Variants in CLCN4 observed in about 807,000 individuals in gnomAD.
The protein encoded by CLCN4 is Cl-/H+ antiporter 4, also known as H(+)/Cl(-) exchange transporter 4.
A neutral mutation model predicts 41.7 loss-of-function variants in CLCN4; 1 was observed. The observed-to-expected ratio is 0.02, with a 90% CI of 0.01 to 0.11. The LOEUF (loss-of-function observed/expected upper bound fraction) is 0.11. CLCN4 is among the 10% of genes least tolerant of loss of function. The pLI is 1.00. For synonymous variants in CLCN4, 277 were observed against 285.8 expected, an observed-to-expected ratio of 0.97 and a Z score of 0.31; for missense variants, 287 against 661.0, an observed-to-expected ratio of 0.43 and a Z score of 6.20.
intron 12 of CLCN4, among the ~76,000 whole-genome samples, chrX:10,222,352 T>C (rs1426667600): frequency 9.0e-6 from 1 of 111,601 alleles, no homozygotes; most frequent in Non-Finnish European, 1.9e-5. Context: ...TTTTATTCCT[T>C]TATGGGCTGG....
chrX:10,167,403 G>A (rs1923279114), intron 2 of CLCN4, among the ~76,000 whole-genome samples: 1 of 112,281 alleles, frequency 8.9e-6, no homozygotes, highest in Non-Finnish European at 1.9e-5. Flanking sequence ...GTGGAATAAG[G>A]CAGTGAAAAG....
chrX:10,207,018 G>T (rs1024336868), intron 8 of CLCN4, among the ~76,000 whole-genome samples: 34 of 110,518 alleles, frequency 3.1e-4, no homozygotes, highest in African/African-American at 1.1e-3. Flanking sequence ...TTCCCGGGTT[G>T]AAGCAATTCT....
intron 10 of CLCN4, among the ~76,000 whole-genome samples, chrX:10,213,425 A>G (rs1354859734): frequency 8.9e-6 from 1 of 111,925 alleles, no homozygotes; most frequent in Non-Finnish European, 1.9e-5. Flanking sequence ...TGTGTGGGCC[A>G]CGGTGAATAG....
intron 11 of CLCN4, among the ~76,000 whole-genome samples, chrX:10,214,913 T>A (rs1376106575): frequency 1.8e-5 from 2 of 111,366 alleles, no homozygotes. Context: ...AGAGGTCTGG[T>A]TGTGAGTTGC....
In CLCN4 at chrX:10,198,076, A is replaced by G; in HGVS notation, c.555+15A>G. The G allele has an allele frequency of 8.3e-7, 1 of 1,204,673 alleles. No homozygotes were observed. The highest frequency in any genetic ancestry group is 1.8e-5 in the South Asian group (1 of 56,258). On this transcript the variant is annotated intron_variant, in intron 6 of 12. Coordinates refer to ENST00000380833, the MANE Select transcript of CLCN4 (RefSeq NM_001830.4). Reference sequence around the variant, plus strand: ...GCATACCAGAGGTGAGTTCTGGCTGATTTTTTTGGTACCAATAATAAGAAT... The same window carrying G: ...GCATACCAGAGGTGAGTTCTGGCTGGTTTTTTTGGTACCAATAATAAGAAT...
At chrX:10,221,693 G>A (rs1205237506) in intron 12 of CLCN4, among the ~76,000 whole-genome samples, 1 of 112,212 alleles carries the variant, frequency 8.9e-6, no homozygotes, top group Non-Finnish European at 1.9e-5. Context: ...TTAGTTAAAT[G>A]GTTAAGAAAT....
Position 10,157,061 on chromosome X carries a change from G to A in CLCN4, c.-314G>A. 3.4e-6 allele frequency: 1 copy of A among 297,970 alleles called. No homozygotes were observed. Among genetic ancestry groups the A allele is most frequent in the Non-Finnish European group, 5.9e-6 (1 of 170,375 alleles). The allele number at this position is 297,970 out of a possible 1,213,427, so 24.6% of individuals were successfully genotyped here. On this transcript the variant is annotated 5_prime_UTR_variant, in exon 1 of 13. Coordinates refer to ENST00000380833, the MANE Select transcript of CLCN4 (RefSeq NM_001830.4). ...TCAACCCAAAGGAGCAGGAGATTTC[G>A]GTAGCGTTTTAACTTTATCTCAGAA...
In CLCN4 at chrX:10,237,210, C is replaced by T. The variant is rs978879275; in HGVS notation, c.*3626C>T. The T allele has an allele frequency of 5.4e-5, 6 of 112,032 alleles. No individual in the cohort carries two copies. The highest frequency in any genetic ancestry group is 1.6e-4 in the African/African-American group (5 of 30,803). 9.2% of individuals were successfully genotyped at this position (112,032 alleles called of 1,213,427 possible). On this transcript the variant is annotated 3_prime_UTR_variant, in exon 13 of 13. Transcript: ENST00000380833. ...GTGAGAACTGATTACTTTAAATTAC[C>T]AACATGTGCAAATTCTACTTAGTAT...
intron 12 of CLCN4, among the ~76,000 whole-genome samples, chrX:10,231,524 A>G (rs1925126311): frequency 9.0e-6 from 1 of 111,353 alleles, no homozygotes; most frequent in Non-Finnish European, 1.9e-5. Flanking sequence ...AGATTTTTAA[A>G]CATAATTCCA....
chrX:10,200,838 A>C (rs768752474), intron 6 of CLCN4, among the ~76,000 whole-genome samples: 15 of 111,569 alleles, frequency 1.3e-4, no homozygotes, highest in Non-Finnish European at 2.4e-4. Flanking sequence ...ATAGGTGTGC[A>C]TCATCATACC....
rs1300937734 is a variant in CLCN4, at chrX:10,212,383, C to T, written c.1390-84C>T. 1.6e-5 allele frequency: 15 copies of T among 958,243 alleles called. No homozygotes were observed. In the East Asian group the frequency reaches 3.4e-4, roughly 22 times the overall value. The allele number at this position is 958,243 out of a possible 1,213,427, so 79.0% of individuals were successfully genotyped here. On this transcript the variant is annotated intron_variant, in intron 9 of 12. Transcript: ENST00000380833. ...AGACTGAAGCTAAATGCAAGCCCGT[C>T]GAGGGGGAATGTGTTTCTTGGGGGT...
chrX:10,219,969 C>T (rs1470616568), intron 11 of CLCN4, among the ~76,000 whole-genome samples: 1 of 112,144 alleles, frequency 8.9e-6, no homozygotes, highest in African/African-American at 3.2e-5. Flanking sequence ...TTCACATGGC[C>T]TTTTCTATAG....
At position 10,158,397 on chromosome X, in the gene CLCN4, C is replaced by G; in HGVS notation, c.-166C>G. The G allele has an allele frequency of 3.4e-6, 1 of 297,297 alleles. No individual in the cohort carries two copies. Among genetic ancestry groups the G allele is most frequent in the Non-Finnish European group, 5.9e-6 (1 of 169,799 alleles). The allele number at this position is 297,297 out of a possible 1,213,427, so 24.5% of individuals were successfully genotyped here. ...GACTTCCAGGGTCTTCCCCCCACCC[C>G]GCGCACACCTCCCTGCCTCGCCCCG... On this transcript the variant is annotated 5_prime_UTR_variant, in exon 2 of 13. Transcript: ENST00000380833.
chrX:10,171,534 G>A (rs1023815524), intron 2 of CLCN4, among the ~76,000 whole-genome samples: 1 of 111,638 alleles, frequency 9.0e-6, no homozygotes, highest in Non-Finnish European at 1.9e-5. Context: ...TTAATGTCAC[G>A]CAATGGGCGA....
chrX:10,229,386 AATATAT>A (rs778644562), intron 12 of CLCN4, among the ~76,000 whole-genome samples: 3 of 102,677 alleles, frequency 2.9e-5, no homozygotes, highest in African/African-American at 7.8e-5. Context: ...AGATTTTTAA[AATATAT>A]ATATATATAT....
rs777986242 is a variant in CLCN4 at position 10,197,451 on chromosome X, AC to A, written c.433-485del. ...CTGATGTGGCTGGACCATGGACCCC[AC>A]CCTGAGCAGCAGTATTCTAAAATAC... is the stretch of plus-strand genomic sequence containing the variant. On this transcript the variant is annotated intron_variant, in intron 5 of 12. Coordinates refer to ENST00000380833, the MANE Select transcript of CLCN4 (RefSeq NM_001830.4). 3.6e-5 allele frequency among the ~76,000 whole-genome samples: 4 copies of A among 110,960 alleles called. No homozygotes were observed. The South Asian group carries it at 1.6e-3, about 43-fold the overall frequency.
chrX:10,175,993 A>G (rs1431514443), intron 2 of CLCN4, among the ~76,000 whole-genome samples: 1 of 93,070 alleles, frequency 1.1e-5, no homozygotes, highest in Middle Eastern at 6.1e-3. Context: ...TATGTGTGTA[A>G]TAGGAACTCA....
chrX:10,166,856 G>A (rs1004780351), intron 2 of CLCN4, among the ~76,000 whole-genome samples: 1 of 111,831 alleles, frequency 8.9e-6, no homozygotes, highest in Non-Finnish European at 1.9e-5. Context: ...AGAACACTGA[G>A]GCCATTGTGT....
rs770682746 is a variant in CLCN4, at chrX:10,207,132, G to T, written c.843+356G>T. 2.7e-5 allele frequency among the ~76,000 whole-genome samples: 3 copies of T among 111,208 alleles called. No homozygotes were observed. The Admixed American group carries it at 2.9e-4, about 11-fold the overall frequency. Reference sequence around the variant, plus strand: ...ATGGGGGTTTCACCATATTGGTCAGGCTGGTCTTGAACTCCTGACCTCAGG... The same window carrying T: ...ATGGGGGTTTCACCATATTGGTCAGTCTGGTCTTGAACTCCTGACCTCAGG... On this transcript the variant is annotated intron_variant, in intron 8 of 12. Coordinates refer to ENST00000380833, the MANE Select transcript of CLCN4 (RefSeq NM_001830.4).
Sources: allele counts gnomAD v4.1 joint callset (sites outside exome capture counted in the v4.1 genomes callset), GRCh38; gene constraint gnomAD v4.1.1; transcripts MANE v1.5; gene names NCBI Gene and HGNC (gene_info 2026-07-23, HGNC 2026-07-21).